The following RUNX2 variants were observed in gnomAD, a reference collection of about 807,000 sequenced individuals.
RUNX2 encodes RUNX family transcription factor 2.
Under a neutral mutation model 51.7 loss-of-function variants are expected in RUNX2, and 10 were observed. That is an observed-to-expected ratio of 0.19 (90% CI 0.12 to 0.33). The LOEUF (loss-of-function observed/expected upper bound fraction) is 0.33. Among genes scored for constraint, RUNX2 ranks in the 10% least tolerant of loss-of-function variants. The probability of loss-of-function intolerance (pLI) is 1.00; values close to 1 mark genes in which losing one functional copy is unlikely to be tolerated. For missense variants in RUNX2, 562 were observed against 691.3 expected (o/e 0.81, Z 2.10); for synonymous variants, 276 against 273.6 (o/e 1.01, Z -0.09).
At chr6:45,473,324 G>A (rs540167776) in intron 5 of RUNX2, among the ~76,000 whole-genome samples, 1 of 152,180 alleles carries the variant, frequency 6.6e-6, no homozygotes, top group African/African-American at 2.4e-5. Context: ...GTTGACTTTG[G>A]GAGATGTAGT....
chr6:45,336,580 T>C (rs896559358), intron 2 of RUNX2, among the ~76,000 whole-genome samples: 2 of 151,510 alleles, frequency 1.3e-5, no homozygotes, highest in African/African-American at 4.8e-5. Context: ...TGCTAAATTA[T>C]TTAATTATTA....
chr6:45,382,968 A>G (rs1314676219), intron 2 of RUNX2, among the ~76,000 whole-genome samples: 1 of 152,152 alleles, frequency 6.6e-6, no homozygotes, highest in East Asian at 1.9e-4. Context: ...TGAAGGATGA[A>G]CAATTTTGTT....
chr6:45,343,465 T>C (rs987861896), intron 2 of RUNX2, among the ~76,000 whole-genome samples: 2 of 152,114 alleles, frequency 1.3e-5, no homozygotes, highest in Non-Finnish European at 2.9e-5. Context: ...TCTATAATAA[T>C]TGCACCTCCA....
chr6:45,455,663 T>C (rs1799299313), intron 5 of RUNX2, among the ~76,000 whole-genome samples: 1 of 152,170 alleles, frequency 6.6e-6, no homozygotes, highest in Non-Finnish European at 1.5e-5. Context: ...TAGCACAGTG[T>C]GAAGTGTGAT....
At chr6:45,468,204 T>C (rs1799693468) in intron 5 of RUNX2, among the ~76,000 whole-genome samples, 1 of 152,260 alleles carries the variant, frequency 6.6e-6, no homozygotes, top group Admixed American at 6.5e-5. Flanking sequence ...TTGTAACGAA[T>C]ACTCAATAAT....
intron 6 of RUNX2, among the ~76,000 whole-genome samples, chr6:45,496,372 G>A (rs908021396): frequency 6.6e-6 from 1 of 152,156 alleles, no homozygotes; most frequent in Non-Finnish European, 1.5e-5. Flanking sequence ...AAGTGAGTGA[G>A]AGAGACACAG....
At chr6:45,418,865 T>C (rs1005303026) in intron 2 of RUNX2, among the ~76,000 whole-genome samples, 9 of 152,190 alleles carry the variant, frequency 5.9e-5, no homozygotes, top group Non-Finnish European at 1.3e-4. Context: ...CCAAGACTAG[T>C]AACTTCCAAG....
intron 2 of RUNX2, among the ~76,000 whole-genome samples, chr6:45,365,003 T>C (rs1794886125): frequency 6.6e-6 from 1 of 152,222 alleles, no homozygotes; most frequent in African/African-American, 2.4e-5. Flanking sequence ...ATTTTTCAAA[T>C]ACAGTACCAC....
chr6:45,380,776 C>T (rs1797223532), intron 2 of RUNX2, among the ~76,000 whole-genome samples: 1 of 152,088 alleles, frequency 6.6e-6, no homozygotes, highest in South Asian at 2.1e-4. Flanking sequence ...GGGGTTTCAC[C>T]ATGTTGGTCA....
At chr6:45,442,044 C>G (rs1489012916) in intron 5 of RUNX2, among the ~76,000 whole-genome samples, 1 of 152,206 alleles carries the variant, frequency 6.6e-6, no homozygotes, top group African/African-American at 2.4e-5. Flanking sequence ...TCACTCATTA[C>G]AAGATTAAAA....
At chr6:45,437,022 A>G (rs1798703826) in intron 4 of RUNX2, among the ~76,000 whole-genome samples, 1 of 152,200 alleles carries the variant, frequency 6.6e-6, no homozygotes, top group African/African-American at 2.4e-5. Context: ...ATCTGACATG[A>G]TTAACCGTTG....
Position 45,422,741 on chromosome 6 carries a change from GCA to G in RUNX2, c.208_209del (p.Gln70AlafsTer90). On this transcript the variant is annotated frameshift_variant, in exon 3 of 9. Transcript: ENST00000647337. LOFTEE classifies it high-confidence loss of function. ...QQQQQQQQQQ[Q>X]QEAAAAAAAA... ...AGCAGCAGCAGCAACAGCAGCAGCA[GCA>G]GCAGGAGGCGGCGGCGGCGGCTGCG... The G allele has an allele frequency of 1.3e-6, 2 of 1,552,496 alleles. No homozygotes were observed. The highest frequency in any genetic ancestry group is 1.9e-5 in the Admixed American group (1 of 51,388).
At chr6:45,332,589 C>G (rs1787735583) in intron 2 of RUNX2, among the ~76,000 whole-genome samples, 1 of 151,752 alleles carries the variant, frequency 6.6e-6, no homozygotes, top group Non-Finnish European at 1.5e-5. Context: ...ATAGTGAAGT[C>G]ATGCAAAAGC....
At chr6:45,344,616 C>T (rs936396603) in intron 2 of RUNX2, among the ~76,000 whole-genome samples, 3 of 152,068 alleles carry the variant, frequency 2.0e-5, no homozygotes, top group African/African-American at 7.2e-5. Flanking sequence ...GCTATGCCTA[C>T]CACAAATTTA....
intron 2 of RUNX2, among the ~76,000 whole-genome samples, chr6:45,386,184 C>T (rs367984621): frequency 6.6e-6 from 1 of 151,738 alleles, no homozygotes; most frequent in East Asian, 1.9e-4. Context: ...TCTCTTGCCT[C>T]AGCCTCCCTA....
chr6:45,343,493 C>T (rs543707169), intron 2 of RUNX2, among the ~76,000 whole-genome samples: 1 of 152,248 alleles, frequency 6.6e-6, no homozygotes, highest in East Asian at 1.9e-4. Context: ...GCTTTTCAAA[C>T]CTGAATAGAA....
intron 6 of RUNX2, among the ~76,000 whole-genome samples, chr6:45,505,324 A>G (rs552939439): frequency 6.8e-6 from 1 of 147,862 alleles, no homozygotes; most frequent in Non-Finnish European, 1.5e-5. Context: ...AGAATTGGAT[A>G]TGTTTTCCCG....
intron 2 of RUNX2, among the ~76,000 whole-genome samples, chr6:45,349,416 G>C (rs1243353714): frequency 6.6e-6 from 1 of 152,186 alleles, no homozygotes; most frequent in African/African-American, 2.4e-5. Flanking sequence ...GGCACTACAA[G>C]ATGACATTAT....
In RUNX2 at chr6:45,476,814, C is replaced by T. The variant is rs369937671; in HGVS notation, c.686-15127C>T. Among the ~76,000 whole-genome samples, 72 of 152,188 alleles carry T rather than the reference C, an allele frequency of 4.7e-4. No individual in the cohort carries two copies. The East Asian group carries it at 0.012, about 25-fold the overall frequency. ...CCTCTAATAGTATTTAGACATTTTTCCCTTCTAAATCTATCTTTCCCTTTA... is the reference window on the plus strand; with the variant it reads ...CCTCTAATAGTATTTAGACATTTTTTCCTTCTAAATCTATCTTTCCCTTTA... On this transcript the variant is annotated intron_variant, in intron 5 of 8. Coordinates refer to ENST00000647337, the MANE Select transcript of RUNX2 (RefSeq NM_001024630.4).
Sources: gnomAD v4.1 joint callset for allele counts (sites outside exome capture counted in the v4.1 genomes callset) on GRCh38, gnomAD v4.1.1 for gene constraint, MANE v1.5 for transcripts, NCBI Gene and HGNC (gene_info 2026-07-23, HGNC 2026-07-21) for gene names.